MPZL3: variants seen among roughly 807,000 people sequenced by gnomAD.
MPZL3 encodes the protein myelin protein zero like 3.
MPZL3 carries 23 observed loss-of-function variants against 24.8 expected under a neutral mutation model. The ratio of observed to expected loss-of-function variants is 0.93; its 90% confidence interval spans 0.67 to 1.31. MPZL3 has a LOEUF of 1.31. Ranked by LOEUF, MPZL3 falls within the 40% of genes most tolerant of loss-of-function variation. MPZL3 has a pLI of 0.00. For synonymous variants in MPZL3, 99 were observed against 106.5 expected, an observed-to-expected ratio of 0.93 and a Z score of 0.44; for missense variants, 277 against 294.9, an observed-to-expected ratio of 0.94 and a Z score of 0.44.
rs761251531 is a variant in MPZL3, at chr11:118,252,277, T to G, written c.18A>C (p.Ala6=). The G allele has an allele frequency of 6.2e-7, 1 of 1,614,040 alleles. No homozygotes were observed. Among genetic ancestry groups the G allele is most frequent in the South Asian group, 1.1e-5 (1 of 91,086 alleles). The change falls in exon 1 of 6, where the codon GCA becomes GCC. Residue 6 remains alanine (A), a synonymous_variant. Transcript: ENST00000278949. MQQRG[A]AGSRGCALFP... The stretch of plus-strand genomic sequence containing the variant: ...AGAGAGCGCAGCCACGGCTTCCAGC[T>G]GCTCCTCTCTGCTGCATCCCGGCAG...
Position 118,235,543 on chromosome 11 carries a change from G to T in MPZL3, c.498C>A (p.Val166=). The change falls in exon 4 of 6, where the codon GTC becomes GTA. Residue 166 remains valine (V), a synonymous_variant. Coordinates refer to ENST00000278949, the MANE Select transcript of MPZL3 (RefSeq NM_198275.3). ...LSSVALLSIL[V]FVPSAVVVAL... The stretch of plus-strand genomic sequence containing the variant: ...CAACCACCACGGCTGAGGGCACAAA[G>T]ACAAGGATGGAAAGAAGGGCCACAG... The T allele has an allele frequency of 6.2e-7, 1 of 1,613,980 alleles. No homozygotes were observed. Among genetic ancestry groups the T allele is most frequent in the Non-Finnish European group, 8.5e-7 (1 of 1,179,940 alleles).
intron 1 of MPZL3, among the ~76,000 whole-genome samples, chr11:118,246,145 C>T (rs1020040903): frequency 6.6e-6 from 1 of 152,212 alleles, no homozygotes; most frequent in African/African-American, 2.4e-5. Context: ...TAATGCTATT[C>T]TTTTCTTAAC....
At chr11:118,247,921 T>C (rs1468690686) in intron 1 of MPZL3, among the ~76,000 whole-genome samples, 2 of 152,210 alleles carry the variant, frequency 1.3e-5, no homozygotes, top group African/African-American at 4.8e-5. Context: ...TGGTTTCTAA[T>C]GCATTTCCCT....
At chr11:118,239,431 C>T (rs940774636) in intron 2 of MPZL3, among the ~76,000 whole-genome samples, 4 of 152,142 alleles carry the variant, frequency 2.6e-5, no homozygotes, top group Non-Finnish European at 4.4e-5. Flanking sequence ...AATAAATTAA[C>T]AATACTTTAA....
chr11:118,232,850 G>A (rs1949371374), intron 5 of MPZL3, among the ~76,000 whole-genome samples: 1 of 152,104 alleles, frequency 6.6e-6, no homozygotes, highest in South Asian at 2.1e-4. Flanking sequence ...AGTTCTTTGT[G>A]ACCTGTTTCC....
rs549466424 is a variant in MPZL3 at position 118,232,264 on chromosome 11, G to A, written c.681+1196C>T. ...GCTTGCTTCTCTTAGGTGTTTGCTT[G>A]AGTATCTTCTCACTGAGGTTGTCCC... On this transcript the variant is annotated intron_variant, in intron 5 of 5. Transcript: ENST00000278949. Among the ~76,000 whole-genome samples the A allele has an allele frequency of 1.2e-4, 18 of 152,218 alleles. No homozygotes were observed. The South Asian group carries it at 3.7e-3, about 32-fold the overall frequency.
Position 118,227,979 on chromosome 11 carries a change from T to C in MPZL3, c.*1915A>G, listed in dbSNP as rs1949292509. 6.6e-6 allele frequency: 1 copy of C among 152,192 alleles called. No individual in the cohort carries two copies. The highest frequency in any genetic ancestry group is 1.5e-5 in the Non-Finnish European group (1 of 68,022). 9.4% of individuals were successfully genotyped at this position (152,192 alleles called of 1,614,324 possible). A position where few individuals can be genotyped will look rare whatever the true frequency, so the allele number is the denominator to read the frequency against. ...CCTCTCTCTGTTGAGGTGTCAGAAA[T>C]GGTCACGTTAGATTGGCCTCAGACA... On this transcript the variant is annotated 3_prime_UTR_variant, in exon 6 of 6. Transcript: ENST00000278949.
chr11:118,235,359 TG>T (rs770414214), intron 4 of MPZL3, 64 bp downstream of exon 4: 5 of 1,521,934 alleles, frequency 3.3e-6, no homozygotes, highest in Non-Finnish European at 4.4e-6. Context: ...GGTGTGGATG[TG>T]GGGGTCTGGG....
intron 1 of MPZL3, among the ~76,000 whole-genome samples, chr11:118,242,064 T>C (rs1467118179): frequency 6.6e-6 from 1 of 151,242 alleles, no homozygotes; most frequent in Non-Finnish European, 1.5e-5. Context: ...AAGGTGGAAA[T>C]GAATGGACAA....
chr11:118,249,517 C>G (rs189568114), intron 1 of MPZL3, among the ~76,000 whole-genome samples: 2 of 152,014 alleles, frequency 1.3e-5, no homozygotes, highest in African/African-American at 4.8e-5. Context: ...GTAAAAACAG[C>G]CAACTATAGA....
chr11:118,241,458 G>A (rs1404394897), intron 1 of MPZL3, among the ~76,000 whole-genome samples: 1 of 152,198 alleles, frequency 6.6e-6, no homozygotes, highest in African/African-American at 2.4e-5. Context: ...TCACCTGCTG[G>A]CTCTGCAGCC....
At chr11:118,248,725 A>G (rs1565496974) in intron 1 of MPZL3, among the ~76,000 whole-genome samples, 1 of 152,194 alleles carries the variant, frequency 6.6e-6, no homozygotes, top group Non-Finnish European at 1.5e-5. Flanking sequence ...GAAATTATTA[A>G]CTTTTTTCTT....
chr11:118,252,106 T>C, intron 1 of MPZL3, 116 bp downstream of exon 1: 2 of 994,354 alleles, frequency 2.0e-6, no homozygotes, highest in Non-Finnish European at 1.6e-6. Context: ...CCTCCCTCCT[T>C]CCTTCCCAGA....
Position 118,239,423 on chromosome 11 carries a change from T to C in MPZL3, c.240+788A>G, listed in dbSNP as rs1949465260. On this transcript the variant is annotated intron_variant, in intron 2 of 5. Transcript: ENST00000278949. ...TTTCCAGTGAAGGAAATGGGATAAA[T>C]AAATTAACAATACTTTAAAAAATAC... 7.2e-5 allele frequency among the ~76,000 whole-genome samples: 11 copies of C among 152,286 alleles called. No homozygotes were observed. The South Asian group carries it at 2.3e-3, about 32-fold the overall frequency.
chr11:118,233,322 G>T, intron 5 of MPZL3, 138 bp downstream of exon 5: 1 of 921,192 alleles, frequency 1.1e-6, no homozygotes, highest in Non-Finnish European at 1.7e-6. Flanking sequence ...AAAATGCTTT[G>T]GGGAAAGATG....
intron 5 of MPZL3, among the ~76,000 whole-genome samples, chr11:118,231,445 T>G (rs1406686905): frequency 7.3e-6 from 1 of 136,926 alleles, no homozygotes; most frequent in Non-Finnish European, 1.5e-5. Flanking sequence ...CTATCTACAT[T>G]CATTTCCCTG....
At chr11:118,236,017 C>A (rs1949421596) in intron 3 of MPZL3, among the ~76,000 whole-genome samples, 1 of 152,180 alleles carries the variant, frequency 6.6e-6, no homozygotes, top group African/African-American at 2.4e-5. Flanking sequence ...GCTGGACATT[C>A]AAGTTGGTTC....
chr11:118,239,587 T>C (rs139154892), intron 2 of MPZL3, among the ~76,000 whole-genome samples: 1 of 152,326 alleles, frequency 6.6e-6, no homozygotes, highest in East Asian at 1.9e-4. Context: ...ACTTGGACCA[T>C]AAATGTGTTT....
rs1487891714 is a variant in MPZL3, at chr11:118,252,239, C to A, written c.56G>T (p.Gly19Val). The A allele has an allele frequency of 1.2e-6, 2 of 1,613,920 alleles. No homozygotes were observed. Among genetic ancestry groups the A allele is most frequent in the Non-Finnish European group, 1.7e-6 (2 of 1,179,980 alleles). Residue 19 changes from glycine to valine, a missense_variant, in exon 1 of 6, where the codon GGC (glycine) becomes GTC (valine). By Grantham distance (109) the Gly-to-Val change is moderately radical (BLOSUM62 -3). Transcript: ENST00000278949. ...GCACTCACCCTGGAAGAACAGGACG[C>A]CCAGCAGAGGGAAGAGAGCGCAGCC... is the stretch of plus-strand genomic sequence containing the variant. ...SRGCALFPLLGVLFFQGVYIV... is the reference protein window; with the variant it reads ...SRGCALFPLLVVLFFQGVYIV...
Sources: gnomAD v4.1 joint callset for allele counts (sites outside exome capture counted in the v4.1 genomes callset) on GRCh38, gnomAD v4.1.1 for gene constraint, MANE v1.5 for transcripts, NCBI Gene and HGNC (gene_info 2026-07-23, HGNC 2026-07-21) for gene names.